The following C6orf132 variants were observed in gnomAD, a reference collection of about 807,000 sequenced individuals.
C6orf132 encodes uncharacterized protein C6orf132.
Under a neutral mutation model 65.3 loss-of-function variants are expected in C6orf132, and 43 were observed. That is an observed-to-expected ratio of 0.66 (90% CI 0.52 to 0.85). The LOEUF (loss-of-function observed/expected upper bound fraction) is 0.85, where lower values mean the gene tolerates loss of function less well. C6orf132 is among the 40% of genes least tolerant of loss of function. C6orf132 has a pLI of 0.00. For synonymous variants in C6orf132, 631 were observed against 654.1 expected (o/e 0.96, Z 0.54); for missense variants, 1,488 against 1,548.8 (o/e 0.96, Z 0.66).
chr6:42,109,640 C>A (rs926528356), intron 3 of C6orf132, among the ~76,000 whole-genome samples: 3 of 151,946 alleles, frequency 2.0e-5, no homozygotes, highest in Admixed American at 2.0e-4. Context: ...GTGGCCGGGG[C>A]AGTGTGGGAG....
Position 42,106,671 on chromosome 6 carries a change from G to A in C6orf132, c.1241C>T (p.Ala414Val), listed in dbSNP as rs181057975. 4,497 of 1,523,746 alleles carry A rather than the reference G, an allele frequency of 3.0e-3. 124 individuals are homozygous for A. The African/African-American group carries it at 0.055, about 19-fold the overall frequency. 94.4% of individuals were successfully genotyped at this position (1,523,746 alleles called of 1,614,324 possible). ...CTTCTGAGCACAGGGCAAAGGAGGT[G>A]CAGCTGGGGGAAGTGGGGGTGCTGG... ...PPPAPPLPPA[A>V]PPLPCAQKAA... The change falls in exon 4 of 5, where the codon GCA (alanine) becomes GTA (valine). Residue 414 changes from alanine (A) to valine (V), a missense_variant. Ala to Val is a moderately conservative substitution (Grantham distance 64). Coordinates refer to ENST00000341865, the MANE Select transcript of C6orf132 (RefSeq NM_001164446.3).
Position 42,105,499 on chromosome 6 carries a change from C to G in C6orf132, c.2413G>C (p.Glu805Gln). 6.5e-7 allele frequency: 1 copy of G among 1,533,068 alleles called. No individual in the cohort carries two copies. Among genetic ancestry groups the G allele is most frequent in the Non-Finnish European group, 8.7e-7 (1 of 1,144,626 alleles). The allele number at this position is 1,533,068 out of a possible 1,614,324, so 95.0% of individuals were successfully genotyped here. ...AGPGEPVEVK[E>Q]PPGLPAKPPA... ...GGCTTGGCTGGCAGCCCTGGGGGCT[C>G]CTTCACCTCCACGGGCTCCCCTGGC... The change falls in exon 4 of 5, where the codon GAG (glutamate) becomes CAG (glutamine). Residue 805 changes from glutamate (E) to glutamine (Q), a missense_variant. Transcript: ENST00000341865.
chr6:42,138,458 A>C (rs1373986861), intron 1 of C6orf132, among the ~76,000 whole-genome samples: 1 of 152,038 alleles, frequency 6.6e-6, no homozygotes, highest in Non-Finnish European at 1.5e-5. Context: ...AGCCTGGCAA[A>C]TTTTTGTATT....
At chr6:42,133,632 T>C (rs531221498) in intron 1 of C6orf132, among the ~76,000 whole-genome samples, 4 of 152,224 alleles carry the variant, frequency 2.6e-5, no homozygotes, top group Non-Finnish European at 5.9e-5. Context: ...TACAAACTTC[T>C]GACAAACTCA....
rs1315211161 is a variant in C6orf132, at chr6:42,101,421, T to A, written c.*2340A>T. The A allele has an allele frequency of 6.6e-6, 1 of 152,274 alleles. No homozygotes were observed. Among genetic ancestry groups the A allele is most frequent in the Non-Finnish European group, 1.5e-5 (1 of 68,062 alleles). 9.4% of individuals were successfully genotyped at this position (152,274 alleles called of 1,614,324 possible). A position where few individuals can be genotyped will look rare whatever the true frequency, so the allele number is the denominator to read the frequency against. On this transcript the variant is annotated 3_prime_UTR_variant, in exon 5 of 5. Transcript: ENST00000341865. The stretch of plus-strand genomic sequence containing the variant: ...TTCAATCCTCTTCCACCAGACAGAC[T>A]ATTAGCTTGCCATGAACAGGAGTCA...
At chr6:42,113,392 C>T (rs553009592) in intron 2 of C6orf132, among the ~76,000 whole-genome samples, 1 of 152,314 alleles carries the variant, frequency 6.6e-6, no homozygotes, top group South Asian at 2.1e-4. Flanking sequence ...CCAGGCTCCT[C>T]CTGTGCAATA....
At position 42,106,794 on chromosome 6, in the gene C6orf132, C is replaced by T; in HGVS notation, c.1118G>A (p.Ser373Asn). Residue 373 changes from serine (S) to asparagine (N), a missense_variant, in exon 4 of 5, where the codon AGC (serine) becomes AAC (asparagine). By Grantham distance (46) the Ser-to-Asn change is conservative (BLOSUM62 1). Transcript: ENST00000341865. Reference sequence around the variant, plus strand: ...GGACTGGGACTGGCCAAGCCTTGGGCTGGCTGGTGCTGTGGCCTTGAGCTC... The same window carrying T: ...GGACTGGGACTGGCCAAGCCTTGGGTTGGCTGGTGCTGTGGCCTTGAGCTC... ...PGELKATAPA[S>N]PRLGQSQSQA... 6.5e-7 allele frequency: 1 copy of T among 1,534,760 alleles called. No individual in the cohort carries two copies. Among genetic ancestry groups the T allele is most frequent in the Non-Finnish European group, 8.7e-7 (1 of 1,146,792 alleles).
chr6:42,130,164 C>A (rs377059894), intron 1 of C6orf132, among the ~76,000 whole-genome samples: 1 of 152,202 alleles, frequency 6.6e-6, no homozygotes, highest in South Asian at 2.1e-4. Flanking sequence ...AAAAGGGGCC[C>A]GAACGTCGGG....
At chr6:42,130,800 C>T (rs1482733041) in intron 1 of C6orf132, among the ~76,000 whole-genome samples, 1 of 147,528 alleles carries the variant, frequency 6.8e-6, no homozygotes. Flanking sequence ...GAGATGGAGT[C>T]TTTTTTTTTT....
intron 1 of C6orf132, among the ~76,000 whole-genome samples, chr6:42,138,577 G>A (rs779442469): frequency 2.0e-5 from 3 of 152,254 alleles, no homozygotes; most frequent in Non-Finnish European, 2.9e-5. Flanking sequence ...GTGAGCCACC[G>A]CCCAGCCCAG....
At chr6:42,110,346 C>A in intron 2 of C6orf132, 55 bp from the exon 3 acceptor site, 3 of 1,408,280 alleles carry the variant, frequency 2.1e-6, no homozygotes, top group South Asian at 2.7e-5. Context: ...AGATAATTCT[C>A]AAACTGCTGC....
chr6:42,139,785 G>A (rs1379874193), intron 1 of C6orf132, among the ~76,000 whole-genome samples: 2 of 152,142 alleles, frequency 1.3e-5, no homozygotes, highest in Admixed American at 1.3e-4. Flanking sequence ...GTGACCCAGG[G>A]AAGCCAAAAG....
At chr6:42,136,671 G>A (rs984329287) in intron 1 of C6orf132, among the ~76,000 whole-genome samples, 25 of 152,312 alleles carry the variant, frequency 1.6e-4, no homozygotes, top group Middle Eastern at 3.4e-3. Context: ...TGGCTTTAAT[G>A]AGGCCTTTCC....
intron 2 of C6orf132, among the ~76,000 whole-genome samples, chr6:42,115,684 C>T (rs1324296140): frequency 1.3e-5 from 2 of 152,148 alleles, no homozygotes; most frequent in Non-Finnish European, 2.9e-5. Context: ...ACGGTTAAAA[C>T]GGTAAATTTT....
At chr6:42,131,502 G>A (rs1007128305) in intron 1 of C6orf132, among the ~76,000 whole-genome samples, 3 of 152,204 alleles carry the variant, frequency 2.0e-5, no homozygotes, top group Admixed American at 2.0e-4. Context: ...TTGAAGCCAG[G>A]GTCTCCCTAA....
At chr6:42,134,128 C>T (rs1359759973) in intron 1 of C6orf132, among the ~76,000 whole-genome samples, 1 of 152,142 alleles carries the variant, frequency 6.6e-6, no homozygotes, top group Non-Finnish European at 1.5e-5. Context: ...AGTAGTCGAA[C>T]AGCTCCTGGC....
intron 2 of C6orf132, among the ~76,000 whole-genome samples, chr6:42,111,529 A>G (rs1248606442): frequency 6.6e-6 from 1 of 151,730 alleles, no homozygotes; most frequent in Non-Finnish European, 1.5e-5. Flanking sequence ...TGATCTGCCC[A>G]CCTCTGCCTC....
intron 2 of C6orf132, among the ~76,000 whole-genome samples, chr6:42,115,147 G>A (rs1409845211): frequency 5.3e-5 from 8 of 150,710 alleles, no homozygotes; most frequent in South Asian, 2.1e-4. Context: ...AAAATTAGCC[G>A]GGCATGGTGG....
At chr6:42,134,774 CAAA>C (rs34668328) in intron 1 of C6orf132, among the ~76,000 whole-genome samples, 2 of 83,594 alleles carry the variant, frequency 2.4e-5, no homozygotes, top group Admixed American at 1.3e-4. Context: ...AACTCCATCT[CAAA>C]AAAAAAAAAA....
Sources: allele counts gnomAD v4.1 joint callset (sites outside exome capture counted in the v4.1 genomes callset), GRCh38; gene constraint gnomAD v4.1.1; transcripts MANE v1.5; gene names NCBI Gene and HGNC (gene_info 2026-07-23, HGNC 2026-07-21).